PRKAG2: variants seen among roughly 807,000 people sequenced by gnomAD.
PRKAG2 encodes the protein protein kinase AMP-activated non-catalytic subunit gamma 2.
Under a neutral mutation model 69.6 loss-of-function variants are expected in PRKAG2, and 26 were observed. The observed-to-expected ratio is 0.37, with a 90% CI of 0.27 to 0.52. The LOEUF (loss-of-function observed/expected upper bound fraction) is 0.52, where lower values mean the gene tolerates loss of function less well. Ranked by LOEUF, PRKAG2 falls within the 20% of genes least tolerant of loss-of-function variation. The pLI, the probability that PRKAG2 is intolerant of heterozygous loss-of-function variation, is 0.90. For synonymous variants in PRKAG2, 293 were observed against 285.0 expected (o/e 1.03, Z -0.28); for missense variants, 557 against 740.0 (o/e 0.75, Z 2.87).
chr7:151,736,526 A>G (rs1799838089), intron 3 of PRKAG2: 1 of 545,088 alleles, frequency 1.8e-6, no homozygotes, highest in Non-Finnish European at 2.3e-6. Context: ...CCCTGGGCAG[A>G]CAATTCTTGG....
rs1197387705 is a variant in PRKAG2 at position 151,771,974 on chromosome 7, A to G, written c.466+9178T>C. On this transcript the variant is annotated intron_variant, in intron 3 of 15. Coordinates refer to ENST00000287878, the MANE Select transcript of PRKAG2 (RefSeq NM_016203.4). The surrounding 1 kb of genome is among the most constrained non-coding windows in gnomAD (Gnocchi z 4.0). ...TGAATTAATTTCAAACAATTTGCTCAGTGCCTTCAGGCGCCATTCTAGACC... is the reference window on the plus strand; with the variant it reads ...TGAATTAATTTCAAACAATTTGCTCGGTGCCTTCAGGCGCCATTCTAGACC... Among the ~76,000 whole-genome samples the G allele has an allele frequency of 6.6e-6, 1 of 152,254 alleles. No individual in the cohort carries two copies. The highest frequency in any genetic ancestry group is 1.5e-5 in the Non-Finnish European group (1 of 68,046).
At chr7:151,606,508 G>A (rs1471183819) in intron 5 of PRKAG2, among the ~76,000 whole-genome samples, 2 of 152,078 alleles carry the variant, frequency 1.3e-5, no homozygotes, top group African/African-American at 4.8e-5. Flanking sequence ...TCAACAACAG[G>A]CTGTTTAAAA....
At chr7:151,769,961 C>T (rs1412321568) in intron 3 of PRKAG2, among the ~76,000 whole-genome samples, 2 of 152,148 alleles carry the variant, frequency 1.3e-5, no homozygotes, top group Non-Finnish European at 2.9e-5. Flanking sequence ...CTGAAAGAAC[C>T]CCCTCTTGGC....
chr7:151,621,721 C>T (rs754704265), intron 5 of PRKAG2, among the ~76,000 whole-genome samples: 1 of 151,966 alleles, frequency 6.6e-6, no homozygotes, highest in Non-Finnish European at 1.5e-5. Flanking sequence ...CACAGGCGTG[C>T]ACCACCACAC....
At chr7:151,847,650 T>TA (rs1279101266) in intron 1 of PRKAG2, among the ~76,000 whole-genome samples, 1 of 152,192 alleles carries the variant, frequency 6.6e-6, no homozygotes, top group African/African-American at 2.4e-5. Flanking sequence ...GCTAACCTGG[T>TA]ATATAACCAC....
chr7:151,701,765 C>T lies in PRKAG2; in HGVS notation c.467-26128G>A, dbSNP rs542853468. ...GGCTGAGGCAGGAGAATGGCGTGAA[C>T]CCGTGAAGCGGGGGTTGCAGTGAGC... On this transcript the variant is annotated intron_variant, in intron 3 of 15. Transcript: ENST00000287878. Among the ~76,000 whole-genome samples the T allele has an allele frequency of 2.0e-5, 3 of 149,962 alleles. No homozygotes were observed. The East Asian group carries it at 5.8e-4, about 29-fold the overall frequency.
intron 4 of PRKAG2, among the ~76,000 whole-genome samples, chr7:151,642,073 C>T (rs1826810270): frequency 6.8e-6 from 1 of 147,300 alleles, no homozygotes; most frequent in Non-Finnish European, 1.5e-5. Flanking sequence ...TGGTGGCTCA[C>T]ACCTATAATC....
intron 5 of PRKAG2, among the ~76,000 whole-genome samples, chr7:151,618,688 C>T (rs1383792605): frequency 6.6e-6 from 1 of 152,114 alleles, no homozygotes; most frequent in East Asian, 1.9e-4. Context: ...TTGCTTGAAC[C>T]TAGGAGGCGG....
chr7:151,769,668 C>T (rs1192912536), intron 3 of PRKAG2, among the ~76,000 whole-genome samples: 1 of 152,214 alleles, frequency 6.6e-6, no homozygotes, highest in Non-Finnish European at 1.5e-5. Flanking sequence ...GGCCATGCAG[C>T]CTGTGGTGCC....
chr7:151,860,888 G>A (rs372020570), intron 1 of PRKAG2, among the ~76,000 whole-genome samples: 22 of 152,244 alleles, frequency 1.4e-4, no homozygotes, highest in African/African-American at 5.3e-4. Context: ...AGAGGGAGGT[G>A]CAGGCAGACG....
At position 151,719,923 on chromosome 7, in the gene PRKAG2, G is replaced by A. The variant is rs925884497; in HGVS notation, c.467-44286C>T. ...CACATTCAATCTGCACCTTCCCATG[G>A]AACTCTCCCAATTGGCTGTGCTTGC... is the stretch of plus-strand genomic sequence containing the variant. On this transcript the variant is annotated intron_variant, in intron 3 of 15. Coordinates refer to ENST00000287878, the MANE Select transcript of PRKAG2 (RefSeq NM_016203.4). This position sits in a 1 kb window ranked among gnomAD's most constrained non-coding sequence, Gnocchi z 5.2. Among the ~76,000 whole-genome samples, 4 of 152,118 alleles carry A rather than the reference G, an allele frequency of 2.6e-5. No individual in the cohort carries two copies. Among genetic ancestry groups the A allele is most frequent in the South Asian group, 2.1e-4 (1 of 4,782 alleles).
At chr7:151,581,122 AG>A (rs1254340449) in intron 6 of PRKAG2, among the ~76,000 whole-genome samples, 1 of 152,222 alleles carries the variant, frequency 6.6e-6, no homozygotes, top group Non-Finnish European at 1.5e-5. Flanking sequence ...CTAAAAAGCT[AG>A]CAGAGGAGAA....
intron 4 of PRKAG2, among the ~76,000 whole-genome samples, chr7:151,645,891 T>C (rs1239948346): frequency 6.6e-6 from 1 of 152,228 alleles, no homozygotes; most frequent in African/African-American, 2.4e-5. Context: ...AATTATGATA[T>C]GTGGCAAGGG....
At chr7:151,746,633 G>A (rs1182948127) in intron 3 of PRKAG2, among the ~76,000 whole-genome samples, 1 of 152,240 alleles carries the variant, frequency 6.6e-6, no homozygotes, top group Admixed American at 6.5e-5. Flanking sequence ...GGCACAAGGT[G>A]CCCGAAAGGA....
chr7:151,707,016 C>G (rs1045064132), intron 3 of PRKAG2, among the ~76,000 whole-genome samples: 6 of 152,266 alleles, frequency 3.9e-5, no homozygotes, highest in Admixed American at 6.5e-5. Flanking sequence ...GGCCTTCCCC[C>G]TCGGCTGCGT....
At chr7:151,758,191 G>A (rs2075216025) in intron 3 of PRKAG2, among the ~76,000 whole-genome samples, 1 of 152,066 alleles carries the variant, frequency 6.6e-6, no homozygotes, top group Admixed American at 6.6e-5. Flanking sequence ...GTCCAGCAGG[G>A]CTGATCCTGT....
At chr7:151,766,590 G>C (rs1222706365) in intron 3 of PRKAG2, among the ~76,000 whole-genome samples, 1 of 152,238 alleles carries the variant, frequency 6.6e-6, no homozygotes, top group Non-Finnish European at 1.5e-5. Context: ...GGCCACTTTA[G>C]AAAGGGGGAC....
chr7:151,824,867 T>C (rs1461233423), intron 1 of PRKAG2, among the ~76,000 whole-genome samples: 1 of 152,192 alleles, frequency 6.6e-6, no homozygotes, highest in Non-Finnish European at 1.5e-5. Flanking sequence ...CTCTCTTTCT[T>C]CTGAGTCTAT....
At chr7:151,586,981 T>C (rs1201676076) in intron 6 of PRKAG2, among the ~76,000 whole-genome samples, 1 of 152,134 alleles carries the variant, frequency 6.6e-6, no homozygotes, top group Non-Finnish European at 1.5e-5. Context: ...GCCAACACGG[T>C]GAAACCAAGC....
Sources: allele counts gnomAD v4.1 joint callset (sites outside exome capture counted in the v4.1 genomes callset), GRCh38; gene constraint gnomAD v4.1.1; non-coding constraint Gnocchi (gnomAD v3.1); transcripts MANE v1.5; gene names NCBI Gene and HGNC (gene_info 2026-07-23, HGNC 2026-07-21).